Variants in AKAP19 observed in about 807,000 individuals in gnomAD.
AKAP19 encodes small A-kinase anchoring protein.
chr2:190,118,227 A>C, the AKAP19 span, among the ~76,000 whole-genome samples: 1 of 152,200 alleles, frequency 6.6e-6, no homozygotes, highest in East Asian at 1.9e-4. Flanking sequence ...AATAATTAAT[A>C]GCTTACCAAC....
At chr2:190,192,252 G>A in the AKAP19 span, among the ~76,000 whole-genome samples, 8,912 of 151,980 alleles carry the variant, frequency 0.059, 860 homozygotes, top group African/African-American at 0.2. Context: ...TCAAGTATCA[G>A]TTTACCATAT....
chr2:190,057,852 A>G, the AKAP19 span, among the ~76,000 whole-genome samples: 1 of 152,076 alleles, frequency 6.6e-6, no homozygotes, highest in Non-Finnish European at 1.5e-5. Context: ...AAATTCCCCT[A>G]AGGTCAGTAC....
the AKAP19 span, among the ~76,000 whole-genome samples, chr2:190,078,580 C>T: frequency 1.3e-5 from 2 of 152,032 alleles, no homozygotes; most frequent in Middle Eastern, 3.4e-3. Flanking sequence ...AGATGTTCAA[C>T]CTCACTCATA....
chr2:189,973,888 T>C, the AKAP19 span, among the ~76,000 whole-genome samples: 1 of 152,122 alleles, frequency 6.6e-6, no homozygotes, highest in African/African-American at 2.4e-5. Flanking sequence ...TTATTAGTCT[T>C]GCTAGCAGTC....
chr2:190,038,932 T>TTCTTCTTCTTCTTCTTCTTCTTCC, the AKAP19 span, among the ~76,000 whole-genome samples: 14 of 141,198 alleles, frequency 9.9e-5, no homozygotes, highest in African/African-American at 3.4e-4. Context: ...CTTCTTCTTC[T>TTCTTCTTCTTCTTCTTCTTCTTCC]TCTTCTTCTT....
the AKAP19 span, chr2:190,055,649 A>G: frequency 6.6e-6 from 1 of 152,172 alleles, no homozygotes; most frequent in South Asian, 2.1e-4. Flanking sequence ...GACTTTTATA[A>G]TAAAGTGAAA....
chr2:190,057,505 C>T, the AKAP19 span: 1 of 1,613,370 alleles, frequency 6.2e-7, no homozygotes, highest in Non-Finnish European at 8.5e-7. Flanking sequence ...CCAATCCCAT[C>T]CAAAAGCTTC....
At chr2:189,940,056 G>T in the AKAP19 span, among the ~76,000 whole-genome samples, 1 of 152,078 alleles carries the variant, frequency 6.6e-6, no homozygotes, top group East Asian at 1.9e-4. Flanking sequence ...GAGGTGGGTG[G>T]ATCACAAGGT....
At chr2:189,881,254 G>A in the AKAP19 span, among the ~76,000 whole-genome samples, 2 of 152,140 alleles carry the variant, frequency 1.3e-5, no homozygotes, top group Admixed American at 1.3e-4. Context: ...CTAAGCTAAA[G>A]GGAAAAGTCA....
the AKAP19 span, among the ~76,000 whole-genome samples, chr2:190,034,411 T>C: frequency 6.6e-6 from 1 of 151,546 alleles, no homozygotes; most frequent in Non-Finnish European, 1.5e-5. Context: ...TGTTGAAAAA[T>C]AGCTAATAGA....
At chr2:189,914,816 A>G in the AKAP19 span, among the ~76,000 whole-genome samples, 16 of 152,044 alleles carry the variant, frequency 1.1e-4, no homozygotes, top group South Asian at 4.1e-4. Context: ...TATAGATGAG[A>G]AAATTGAAGC....
the AKAP19 span, among the ~76,000 whole-genome samples, chr2:190,008,769 CA>C: frequency 4.5e-4 from 16 of 35,356 alleles, no homozygotes; most frequent in East Asian, 2.9e-3. Flanking sequence ...CACACACACA[CA>C]CCCACCTGGT....
the AKAP19 span, among the ~76,000 whole-genome samples, chr2:190,084,692 C>A: frequency 6.6e-6 from 1 of 152,058 alleles, no homozygotes; most frequent in South Asian, 2.1e-4. Context: ...TTGTATTTTC[C>A]CAGAAAGTAC....
At chr2:190,113,031 ATT>A in the AKAP19 span, among the ~76,000 whole-genome samples, 1 of 151,774 alleles carries the variant, frequency 6.6e-6, no homozygotes, top group African/African-American at 2.4e-5. Flanking sequence ...TAGAAATTTT[ATT>A]TTTTTCTAAA....
At chr2:189,969,761 A>G in the AKAP19 span, among the ~76,000 whole-genome samples, 5 of 149,154 alleles carry the variant, frequency 3.4e-5, no homozygotes, top group African/African-American at 1.2e-4. Context: ...ATAAAATTTC[A>G]TTGAATTAAT....
At chr2:189,915,164 C>T in the AKAP19 span, among the ~76,000 whole-genome samples, 1 of 152,074 alleles carries the variant, frequency 6.6e-6, no homozygotes, top group Non-Finnish European at 1.5e-5. Context: ...TGACAGTCTA[C>T]ACTAGAACTG....
At chr2:190,063,518 G>C in the AKAP19 span, among the ~76,000 whole-genome samples, 5 of 152,180 alleles carry the variant, frequency 3.3e-5, no homozygotes, top group African/African-American at 1.2e-4. Flanking sequence ...CATAGACTAA[G>C]ATAATGAATT....
the AKAP19 span, among the ~76,000 whole-genome samples, chr2:189,909,891 C>T: frequency 1.3e-5 from 2 of 151,610 alleles, no homozygotes; most frequent in Non-Finnish European, 2.9e-5. Context: ...TGAATAACTA[C>T]TAGTTTCGAT....
At chr2:189,897,818 C>G in the AKAP19 span, among the ~76,000 whole-genome samples, 2 of 152,164 alleles carry the variant, frequency 1.3e-5, no homozygotes, top group Admixed American at 1.3e-4. Context: ...CAGCAAAATG[C>G]TCTGAATGGG....
Sources: gnomAD v4.1 joint callset for allele counts (sites outside exome capture counted in the v4.1 genomes callset) on GRCh38, gnomAD v4.1.1 for gene constraint, MANE v1.5 for transcripts, NCBI Gene and HGNC (gene_info 2026-07-23, HGNC 2026-07-21) for gene names.